Variants in CAPN2 observed in about 807,000 individuals in gnomAD.
The protein encoded by CAPN2 is calpain-2 catalytic subunit.
CAPN2 carries 92 observed loss-of-function variants against 102.3 expected under a neutral mutation model. That is an observed-to-expected ratio of 0.90 (90% confidence interval 0.76 to 1.07). The LOEUF is 1.07. Ranked by LOEUF, CAPN2 falls within the 50% of genes least tolerant of loss-of-function variation. The probability of loss-of-function intolerance (pLI) is 0.00; values close to 1 mark genes in which losing one functional copy is unlikely to be tolerated. For synonymous variants in CAPN2, 340 were observed against 355.4 expected, an observed-to-expected ratio of 0.96 and a Z score of 0.49; for missense variants, 800 against 909.4, an observed-to-expected ratio of 0.88 and a Z score of 1.55.
upstream of CAPN2, chr1:223,712,422 C>T: frequency 9.2e-7 from 1 of 1,087,780 alleles, no homozygotes; most frequent in Non-Finnish European, 1.1e-6. Context: ...CTCGGCAGGC[C>T]GCAGGATGGC....
intron 2 of CAPN2, among the ~76,000 whole-genome samples, chr1:223,742,528 T>A (rs199715928): frequency 0.072 from 10,007 of 138,638 alleles, 840 homozygotes; most frequent in African/African-American, 0.19. Flanking sequence ...ATTTTTTTTT[T>A]TTTTTTTGAG....
chr1:223,759,211 T>C lies in CAPN2; in HGVS notation c.1318-59T>C. On this transcript the variant is annotated intron_variant, in intron 11 of 20. Transcript: ENST00000295006. The surrounding 1 kb of genome is among the most constrained non-coding windows in gnomAD (Gnocchi z 4.6). ...CTGCTTTTATCTCAGTGAATGAAAA[T>C]GATACTTGCCTGGAGGCTTCCCCTC... The C allele has an allele frequency of 6.8e-7, 1 of 1,477,224 alleles. No individual in the cohort carries two copies. 91.5% of individuals were successfully genotyped at this position (1,477,224 alleles called of 1,614,324 possible). A position where few individuals can be genotyped will look rare whatever the true frequency, so the allele number is the denominator to read the frequency against.
intron 15 of CAPN2, 115 bp downstream of exon 15, chr1:223,764,322 A>C (rs564417917): frequency 2.4e-6 from 2 of 819,744 alleles, no homozygotes; most frequent in East Asian, 2.5e-5. Flanking sequence ...ACCACCCTCC[A>C]TCCCCTCCAA....
chr1:223,718,411 A>G (rs6674492), intron 2 of CAPN2, among the ~76,000 whole-genome samples: 44,028 of 152,192 alleles, frequency 0.29, 7,082 homozygotes, highest in East Asian at 0.45. Flanking sequence ...TGAATTGTCC[A>G]AAACCTTGCT....
At position 223,720,309 on chromosome 1, in the gene CAPN2, T is replaced by TTC. The variant is rs775005421; in HGVS notation, c.307+2484_307+2485dup. On this transcript the variant is annotated intron_variant, in intron 2 of 20. Transcript: ENST00000295006. ...ACAAGATCATCCTTATTTTCTCTCTTTCTCTCTTTTTTTTTTTTTTTTTTT... is the reference window on the plus strand; with the variant it reads ...ACAAGATCATCCTTATTTTCTCTCTTTCTCTCTCTTTTTTTTTTTTTTTTTTT... Among the ~76,000 whole-genome samples, 67 of 123,732 alleles carry TTC rather than the reference T, an allele frequency of 5.4e-4. 6 individuals carry two copies. In the East Asian group the frequency reaches 5.9e-3, roughly 11 times the overall value. 81.2% of individuals were successfully genotyped at this position (123,732 alleles called of 152,430 possible).
rs1222151 is a variant in CAPN2 at position 223,767,255 on chromosome 1, T to C, written c.1755+824T>C. Reference sequence around the variant, plus strand: ...GCACAATGTGCAGGTTAGTTACATATGTATACATGTGCCATGCTGGTGCTT... The same window carrying C: ...GCACAATGTGCAGGTTAGTTACATACGTATACATGTGCCATGCTGGTGCTT... On this transcript the variant is annotated intron_variant, in intron 16 of 20. Coordinates refer to ENST00000295006, the MANE Select transcript of CAPN2 (RefSeq NM_001748.5). 4.8e-3 allele frequency among the ~76,000 whole-genome samples: 728 copies of C among 152,158 alleles called. 6 individuals carry two copies. Among genetic ancestry groups the C allele is most frequent in the African/African-American group, 0.017 (699 of 41,502 alleles).
chr1:223,769,822 T>C lies in CAPN2; in HGVS notation c.1756-19T>C, dbSNP rs761732472. On this transcript the variant is annotated intron_variant, in intron 16 of 20. Transcript: ENST00000295006. ...TGCAAATGGACCCACACTCAAGGGC[T>C]TTCCTTGACTGAAGGCAGTCGGACG... The C allele has an allele frequency of 1.9e-6, 3 of 1,597,808 alleles. No individual in the cohort carries two copies. Among genetic ancestry groups the C allele is most frequent in the African/African-American group, 2.7e-5 (2 of 74,764 alleles).
intron 2 of CAPN2, among the ~76,000 whole-genome samples, chr1:223,741,468 A>ATATATATATT (rs71166282): frequency 2.7e-4 from 37 of 138,358 alleles, no homozygotes; most frequent in South Asian, 4.4e-4. Context: ...ATATATATAT[A>ATATATATATT]TTTGAGAGGG....
At chr1:223,720,020 G>A (rs1210951701) in intron 2 of CAPN2, among the ~76,000 whole-genome samples, 1 of 152,158 alleles carries the variant, frequency 6.6e-6, no homozygotes, top group Non-Finnish European at 1.5e-5. Context: ...CAAGCACCAG[G>A]AACAGAGGCC....
chr1:223,763,604 T>G (rs2102812266), intron 14 of CAPN2, among the ~76,000 whole-genome samples: 1 of 152,286 alleles, frequency 6.6e-6, no homozygotes, highest in South Asian at 2.1e-4. Context: ...TTCACCAGTT[T>G]TACAGGAAGT....
rs1425246453 is a variant in CAPN2, at chr1:223,755,193, GCCATCTCCCA to G, written c.1136-275_1136-266del. 2.0e-5 allele frequency among the ~76,000 whole-genome samples: 3 copies of G among 151,718 alleles called. No homozygotes were observed. The highest frequency in any genetic ancestry group is 1.9e-4 in the East Asian group (1 of 5,166). ...CTCTGACCATCTTCTGCCATCCTCTGCCATCTCCCACCATCTCCCACTGTCTCCCACAGCC... is the reference window on the plus strand; with the variant it reads ...CTCTGACCATCTTCTGCCATCCTCTGCCATCTCCCACTGTCTCCCACAGCC... On this transcript the variant is annotated intron_variant, in intron 9 of 20. Coordinates refer to ENST00000295006, the MANE Select transcript of CAPN2 (RefSeq NM_001748.5). The surrounding 1 kb of genome is among the most constrained non-coding windows in gnomAD (Gnocchi z 4.1).
At position 223,731,714 on chromosome 1, in the gene CAPN2, C is replaced by T. The variant is rs909062456; in HGVS notation, c.308-12386C>T. 6.6e-6 allele frequency among the ~76,000 whole-genome samples: 1 copy of T among 152,288 alleles called. No homozygotes were observed. Among genetic ancestry groups the T allele is most frequent in the East Asian group, 1.9e-4 (1 of 5,162 alleles). ...AGACATGTCCTCCAGAGTTGACTTA[C>T]GCGAGGACAGAGGTGTGCAGAGGCA... On this transcript the variant is annotated intron_variant, in intron 2 of 20. Coordinates refer to ENST00000295006, the MANE Select transcript of CAPN2 (RefSeq NM_001748.5). The surrounding 1 kb of genome is among the most constrained non-coding windows in gnomAD (Gnocchi z 4.2).
chr1:223,743,497 T>A (rs1041058478), intron 2 of CAPN2, among the ~76,000 whole-genome samples: 2 of 152,162 alleles, frequency 1.3e-5, no homozygotes, highest in African/African-American at 4.8e-5. Flanking sequence ...TATTTGTTTG[T>A]TTATTTATTT....
In CAPN2 at chr1:223,759,559, T is replaced by C. The variant is rs878936801; in HGVS notation, c.1529+78T>C. 1 of 1,140,434 alleles carries C rather than the reference T, an allele frequency of 8.8e-7. No homozygotes were observed. Among genetic ancestry groups the C allele is most frequent in the Non-Finnish European group, 1.3e-6 (1 of 780,230 alleles). The allele number at this position is 1,140,434 out of a possible 1,614,324, so 70.6% of individuals were successfully genotyped here. ...GTCTGTTCCTCGGCCCCTAGAGGGCTCTTTCATCCTCTGAATGTCAGTTAC... is the reference window on the plus strand; with the variant it reads ...GTCTGTTCCTCGGCCCCTAGAGGGCCCTTTCATCCTCTGAATGTCAGTTAC... On this transcript the variant is annotated intron_variant, in intron 12 of 20. Transcript: ENST00000295006. This position sits in a 1 kb window ranked among gnomAD's most constrained non-coding sequence, Gnocchi z 4.6.
chr1:223,744,068 T>A lies in CAPN2; in HGVS notation c.308-32T>A, dbSNP rs978836780. On this transcript the variant is annotated intron_variant, in intron 2 of 20. Coordinates refer to ENST00000295006, the MANE Select transcript of CAPN2 (RefSeq NM_001748.5). Reference sequence around the variant, plus strand: ...TAACATCCTCCTGGTTCTAAGACCCTCTGATAAGAGCTCCTTGTGCTGTGT... The same window carrying A: ...TAACATCCTCCTGGTTCTAAGACCCACTGATAAGAGCTCCTTGTGCTGTGT... 4.1e-6 allele frequency: 6 copies of A among 1,446,762 alleles called. No individual in the cohort carries two copies. The African/African-American group carries it at 7.0e-5, about 17-fold the overall frequency. The allele number at this position is 1,446,762 out of a possible 1,614,324, so 89.6% of individuals were successfully genotyped here.
intron 1 of CAPN2, among the ~76,000 whole-genome samples, chr1:223,702,135 A>AAGGAAGGG (rs1659497706): frequency 6.7e-6 from 1 of 148,150 alleles, no homozygotes; most frequent in African/African-American, 2.5e-5. Flanking sequence ...GGAAGGAAGG[A>AAGGAAGGG]AAGAAGGAGG....
rs760835777 is a variant in CAPN2 at position 223,757,385 on chromosome 1, G to GTC, written c.1317+7_1317+8dup. On this transcript the variant is annotated splice_donor_region_variant and intron_variant, in intron 11 of 20. Transcript: ENST00000295006. ...ATTTTGCAGGTTCCAGAGGAGGTAC[G>GTC]TCTGGCCCATGTCCCGGGGTGCTCA... is the stretch of plus-strand genomic sequence containing the variant. 1.9e-6 allele frequency: 3 copies of GTC among 1,614,118 alleles called. No individual in the cohort carries two copies. Among genetic ancestry groups the GTC allele is most frequent in the Non-Finnish European group, 2.5e-6 (3 of 1,179,990 alleles).
chr1:223,772,142 C>G lies in CAPN2; in HGVS notation c.2021-39C>G, dbSNP rs767544914. 1.9e-6 allele frequency: 3 copies of G among 1,569,168 alleles called. No homozygotes were observed. In the East Asian group the frequency reaches 6.7e-5, roughly 35 times the overall value. On this transcript the variant is annotated intron_variant, in intron 19 of 20. Transcript: ENST00000295006. ...AAGAGGATAATGTGATCTGTTTCAG[C>G]TCACTCACTTGTGACACCCTCTTTT...
chr1:223,735,526 T>TA (rs566489022), intron 2 of CAPN2, among the ~76,000 whole-genome samples: 1,887 of 131,476 alleles, frequency 0.014, 40 homozygotes, highest in Admixed American at 0.064. Flanking sequence ...AGACTCTATC[T>TA]AAAAAAAAAA....
Sources: gnomAD v4.1 joint callset for allele counts (sites outside exome capture counted in the v4.1 genomes callset) on GRCh38, gnomAD v4.1.1 for gene constraint, Gnocchi (gnomAD v3.1) non-coding constraint, MANE v1.5 for transcripts, NCBI Gene and HGNC (gene_info 2026-07-23, HGNC 2026-07-21) for gene names.